GRIK4: variants seen among roughly 807,000 people sequenced by gnomAD.
GRIK4 encodes glutamate receptor ionotropic, kainate 4.
A neutral mutation model predicts 104.9 loss-of-function variants in GRIK4; 40 were observed. The observed-to-expected ratio is 0.38, with a 90% CI of 0.30 to 0.50. GRIK4 has a LOEUF of 0.50. Among genes scored for constraint, GRIK4 ranks in the 20% least tolerant of loss-of-function variants. GRIK4 has a pLI of 0.93. For synonymous variants in GRIK4, 485 were observed against 524.9 expected, an observed-to-expected ratio of 0.92 and a Z score of 1.04; for missense variants, 1,047 against 1,308.1, an observed-to-expected ratio of 0.80 and a Z score of 3.08.
At chr11:120,887,897 C>G (rs1181505530) in intron 11 of GRIK4, among the ~76,000 whole-genome samples, 1 of 152,140 alleles carries the variant, frequency 6.6e-6, no homozygotes, top group Admixed American at 6.5e-5. Context: ...GGGTGACATT[C>G]AGGCTGAAGC....
intron 4 of GRIK4, among the ~76,000 whole-genome samples, chr11:120,811,023 A>T (rs1952818614): frequency 6.6e-6 from 1 of 152,190 alleles, no homozygotes; most frequent in South Asian, 2.1e-4. Flanking sequence ...TTCTACCCAC[A>T]GACCCCAGGC....
chr11:120,560,206 G>T (rs919145608), intron 1 of GRIK4, among the ~76,000 whole-genome samples: 2 of 151,992 alleles, frequency 1.3e-5, no homozygotes, highest in Admixed American at 1.3e-4. Context: ...GTGCCACCAC[G>T]CCCGGCTAAT....
intron 1 of GRIK4, among the ~76,000 whole-genome samples, chr11:120,603,094 TG>T (rs1328229370): frequency 6.6e-6 from 1 of 152,194 alleles, no homozygotes; most frequent in Non-Finnish European, 1.5e-5. Flanking sequence ...GATCTTCTGA[TG>T]GGGAATCTCC....
chr11:120,929,753 A>G (rs994128703), intron 13 of GRIK4, among the ~76,000 whole-genome samples: 5 of 152,090 alleles, frequency 3.3e-5, no homozygotes, highest in African/African-American at 1.2e-4. Flanking sequence ...GGCGTCCCAC[A>G]TGACACCGTC....
chr11:120,723,082 G>T (rs1374445611), intron 3 of GRIK4, among the ~76,000 whole-genome samples: 1 of 152,070 alleles, frequency 6.6e-6, no homozygotes, highest in African/African-American at 2.4e-5. Context: ...TAAATATATT[G>T]TCAGATCATA....
intron 3 of GRIK4, among the ~76,000 whole-genome samples, chr11:120,716,169 C>A (rs568614105): frequency 1.4e-5 from 2 of 144,622 alleles, no homozygotes; most frequent in Admixed American, 1.5e-4. Flanking sequence ...GAAGAAGGAA[C>A]CAGAGCTTGA....
intron 19 of GRIK4, among the ~76,000 whole-genome samples, chr11:120,978,600 C>A (rs1388043506): frequency 6.6e-6 from 1 of 151,980 alleles, no homozygotes; most frequent in Non-Finnish European, 1.5e-5. Flanking sequence ...CAGCTACAGG[C>A]AGGGAAATAG....
intron 3 of GRIK4, among the ~76,000 whole-genome samples, chr11:120,685,691 C>T (rs1232781522): frequency 6.6e-6 from 1 of 152,116 alleles, no homozygotes; most frequent in African/African-American, 2.4e-5. Context: ...CTTGGTCTTC[C>T]TCATCTCATC....
At chr11:120,922,316 G>C (rs1408859188) in intron 13 of GRIK4, among the ~76,000 whole-genome samples, 1 of 152,198 alleles carries the variant, frequency 6.6e-6, no homozygotes, top group African/African-American at 2.4e-5. Context: ...AGATGGGTCA[G>C]TGTGTTCTCC....
chr11:120,546,486 G>A (rs1019602738), intron 1 of GRIK4, among the ~76,000 whole-genome samples: 2 of 152,200 alleles, frequency 1.3e-5, no homozygotes, highest in African/African-American at 2.4e-5. Flanking sequence ...CATGGTTTCT[G>A]TGCCTGCCCC....
chr11:120,852,564 G>A (rs553323888), intron 8 of GRIK4, among the ~76,000 whole-genome samples: 44 of 152,244 alleles, frequency 2.9e-4, no homozygotes, highest in African/African-American at 9.9e-4. Context: ...AAACATGCAG[G>A]GAGAAGAATC....
chr11:120,651,096 A>G (rs918683791), intron 1 of GRIK4, among the ~76,000 whole-genome samples: 2 of 152,186 alleles, frequency 1.3e-5, no homozygotes, highest in African/African-American at 4.8e-5. Context: ...TCTGCAGGTC[A>G]GAGGGCTGTG....
intron 8 of GRIK4, among the ~76,000 whole-genome samples, chr11:120,852,613 A>G (rs921195642): frequency 6.6e-6 from 1 of 152,232 alleles, no homozygotes; most frequent in African/African-American, 2.4e-5. Context: ...CCTATTAAAT[A>G]GAATTCATTG....
chr11:120,896,401 A>T (rs1293996426), intron 11 of GRIK4, among the ~76,000 whole-genome samples: 1 of 152,242 alleles, frequency 6.6e-6, no homozygotes, highest in African/African-American at 2.4e-5. Context: ...ACTGAAAAGG[A>T]ACATGAACAC....
rs1333291768 is a variant in GRIK4, at chr11:120,988,711, A to G, written c.*2451A>G. The G allele has an allele frequency of 6.6e-5, 10 of 152,068 alleles. No homozygotes were observed. The highest frequency in any genetic ancestry group is 1.2e-4 in the African/African-American group (5 of 41,392). The allele number at this position is 152,068 out of a possible 1,614,324, so 9.4% of individuals were successfully genotyped here. A position where few individuals can be genotyped will look rare whatever the true frequency, so the allele number is the denominator to read the frequency against. On this transcript the variant is annotated 3_prime_UTR_variant, in exon 21 of 21. Transcript: ENST00000527524. ...CTTTCTTTTCCATTCTGTATTTTCT[A>G]TCTGACTCTGTATACTGTATAAAGC...
At chr11:120,738,859 A>G (rs1215863650) in intron 3 of GRIK4, among the ~76,000 whole-genome samples, 1 of 152,236 alleles carries the variant, frequency 6.6e-6, no homozygotes, top group African/African-American at 2.4e-5. Context: ...TCCTGGTGAG[A>G]TGGGGGAGGA....
At chr11:120,597,467 T>C (rs1948818537) in intron 1 of GRIK4, among the ~76,000 whole-genome samples, 1 of 152,178 alleles carries the variant, frequency 6.6e-6, no homozygotes, top group African/African-American at 2.4e-5. Flanking sequence ...TCTGACCTGT[T>C]CTCTGACCGA....
intron 15 of GRIK4, among the ~76,000 whole-genome samples, chr11:120,955,535 T>C (rs1944123914): frequency 6.6e-6 from 1 of 152,092 alleles, no homozygotes; most frequent in Admixed American, 6.5e-5. Context: ...GCGTACAAGA[T>C]GGGCCGGGGC....
At chr11:120,855,359 T>C (rs904115539) in intron 8 of GRIK4, among the ~76,000 whole-genome samples, 3 of 152,234 alleles carry the variant, frequency 2.0e-5, no homozygotes, top group Admixed American at 2.0e-4. Flanking sequence ...ACAGATGCGA[T>C]GTGAGGCAAA....
Sources: allele counts gnomAD v4.1 joint callset (sites outside exome capture counted in the v4.1 genomes callset), GRCh38; gene constraint gnomAD v4.1.1; transcripts MANE v1.5; gene names NCBI Gene and HGNC (gene_info 2026-07-23, HGNC 2026-07-21).